The following RANBP1 variants were observed in gnomAD, a reference collection of about 807,000 sequenced individuals.
RANBP1 encodes the protein RAN binding protein 1.
Under a neutral mutation model 31.4 loss-of-function variants are expected in RANBP1, and 16 were observed. That is an observed-to-expected ratio of 0.51 (90% CI 0.34 to 0.77). The LOEUF is 0.77. RANBP1 is among the 30% of genes least tolerant of loss of function. The pLI, the probability that RANBP1 is intolerant of heterozygous loss-of-function variation, is 0.01. For missense variants in RANBP1, 265 were observed against 362.0 expected (o/e 0.73, Z 2.17); for synonymous variants, 129 against 140.5 (o/e 0.92, Z 0.58).
At chr22:20,117,099 G>GAGCAT in intron 1 of RANBP1, 1 of 718,010 alleles carries the variant, frequency 1.4e-6, no homozygotes. Flanking sequence ...ACTCGAACCT[G>GAGCAT]CGATGCTCAG....
chr22:20,116,678 C>G, intron 1 of RANBP1: 1 of 1,494,924 alleles, frequency 6.7e-7, no homozygotes, highest in South Asian at 1.3e-5. Flanking sequence ...CCCCAAGCTT[C>G]CTTATGGGAC....
chr22:20,117,310 G>C (rs1364514393), intron 1 of RANBP1: 18 of 969,316 alleles, frequency 1.9e-5, no homozygotes, highest in Non-Finnish European at 2.3e-5. Flanking sequence ...GCGCGTGGCC[G>C]GGACGGAAGT....
chr22:20,116,149 G>A lies in RANBP1; in HGVS notation c.-36G>A, dbSNP rs781226040. ...CACGTCGGCCACTCGTGTTACTGGT[G>A]GCTCACTCTCACCCTCCTGTCGCCT... On this transcript the variant is annotated 5_prime_UTR_variant, in exon 1 of 6. Transcript: ENST00000430524. 8.2e-5 allele frequency: 132 copies of A among 1,612,936 alleles called. No homozygotes were observed. Among genetic ancestry groups the A allele is most frequent in the Non-Finnish European group, 1.0e-4 (123 of 1,179,844 alleles).
intron 2 of RANBP1, 72 bp downstream of exon 2, chr22:20,119,221 T>G (rs2050122709): frequency 1.4e-6 from 2 of 1,462,794 alleles, no homozygotes; most frequent in African/African-American, 2.8e-5. Context: ...TGTCCAGGTT[T>G]TGGCCTGACT....
intron 1 of RANBP1, chr22:20,117,079 G>T: frequency 1.2e-6 from 1 of 853,930 alleles, no homozygotes; most frequent in Non-Finnish European, 1.8e-6. Context: ...TTCGCCCCAG[G>T]CGGGGCGGGA....
intron 5 of RANBP1, chr22:20,126,649 C>T (rs2050307411): frequency 2.0e-6 from 3 of 1,514,732 alleles, no homozygotes; most frequent in African/African-American, 2.8e-5. Context: ...CTCGGTTTGT[C>T]TCTCAGAGGG....
intron 1 of RANBP1, chr22:20,117,531 G>A: frequency 7.4e-7 from 1 of 1,352,642 alleles, no homozygotes. Flanking sequence ...GGAGGGAAGA[G>A]CGGGCGGGCG....
chr22:20,125,502 T>A, intron 4 of RANBP1, 66 bp downstream of exon 4: 1 of 1,553,086 alleles, frequency 6.4e-7, no homozygotes, highest in Non-Finnish European at 8.7e-7. Flanking sequence ...TGGCGGGTTA[T>A]GTGCAACAAA....
Position 20,116,447 on chromosome 22 carries a change from T to C in RANBP1, c.246+17T>C. 2 of 1,612,832 alleles carry C rather than the reference T, an allele frequency of 1.2e-6. No individual in the cohort carries two copies. The highest frequency in any genetic ancestry group is 1.7e-5 in the Admixed American group (1 of 60,016). ...ATCTCAGAGGTAAACAAGTCATCCC[T>C]GATGTAGCTGTAGAGCCCGGGCTGA... On this transcript the variant is annotated intron_variant, in intron 1 of 5. Coordinates refer to ENST00000430524, the MANE Select transcript of RANBP1 (RefSeq NM_001278639.2).
At position 20,127,110 on chromosome 22, in the gene RANBP1, C is replaced by T. The variant is rs182031737; in HGVS notation, c.*58C>T. On this transcript the variant is annotated 3_prime_UTR_variant, in exon 6 of 6. Coordinates refer to ENST00000430524, the MANE Select transcript of RANBP1 (RefSeq NM_001278639.2). ...CCTTTCCTTTTTTTAAAAAATTTTA[C>T]CCTGCCCCTCTTTTTCGGTTTGTTT... is the stretch of plus-strand genomic sequence containing the variant. 42 of 1,418,466 alleles carry T rather than the reference C, an allele frequency of 3.0e-5. No homozygotes were observed. Among genetic ancestry groups the T allele is most frequent in the Non-Finnish European group, 3.8e-5 (40 of 1,049,220 alleles). The allele number at this position is 1,418,466 out of a possible 1,614,324, so 87.9% of individuals were successfully genotyped here. A position where few individuals can be genotyped will look rare whatever the true frequency, so the allele number is the denominator to read the frequency against.
chr22:20,117,488 TG>T, intron 1 of RANBP1: 1 of 1,197,926 alleles, frequency 8.3e-7, no homozygotes, highest in Non-Finnish European at 1.0e-6. Context: ...TTCCCGCCGC[TG>T]GGGTCAGGGG....
intron 3 of RANBP1, chr22:20,124,239 T>G (rs1050963450): frequency 6.6e-6 from 1 of 152,568 alleles, no homozygotes; most frequent in African/African-American, 2.4e-5. Context: ...AAGTTGGTTC[T>G]GGGCTCCTGG....
rs541142504 is a variant in RANBP1 at position 20,117,063 on chromosome 22, C to G, written c.246+633C>G. ...GCAACGCCGCGAGGTCGCCGCCACC[C>G]CCGGCTTCGCCCCAGGCGGGGCGGG... On this transcript the variant is annotated intron_variant, in intron 1 of 5. Coordinates refer to ENST00000430524, the MANE Select transcript of RANBP1 (RefSeq NM_001278639.2). The G allele has an allele frequency of 3.2e-6, 3 of 941,710 alleles. No individual in the cohort carries two copies. In the African/African-American group the frequency reaches 4.9e-5, roughly 15 times the overall value. The allele number at this position is 941,710 out of a possible 1,614,324, so 58.3% of individuals were successfully genotyped here.
chr22:20,126,962 CA>C lies in RANBP1; in HGVS notation c.752del (p.Asn251MetfsTer11). 6.2e-7 allele frequency: 1 copy of C among 1,613,108 alleles called. No homozygotes were observed. On this transcript the variant is annotated frameshift_variant, in exon 6 of 6. Coordinates refer to ENST00000430524, the MANE Select transcript of RANBP1 (RefSeq NM_001278639.2). LOFTEE classifies it high-confidence loss of function. ...TGCTTGTGTTTTTAGCAGGATCAGG[CA>C]AAAATGATCATGCCGAAAAAGTGGC... ...EEREKKAGSG[K>X]NDHAEKVAEK...
chr22:20,116,508 C>T (rs1296341550), intron 1 of RANBP1, 78 bp downstream of exon 1: 3 of 1,612,464 alleles, frequency 1.9e-6, no homozygotes, highest in Non-Finnish European at 2.5e-6. Context: ...CGCCCTCTTT[C>T]TCCACCTCCT....
At chr22:20,122,687 C>T (rs1478528558) in intron 3 of RANBP1, 10 of 1,363,124 alleles carry the variant, frequency 7.3e-6, no homozygotes, top group South Asian at 2.5e-5. Context: ...AGGCTGGGCT[C>T]GGGACGAGGA....
At position 20,127,154 on chromosome 22, in the gene RANBP1, A is replaced by G. The variant is rs1717538475; in HGVS notation, c.*102A>G. 3.1e-6 allele frequency: 3 copies of G among 959,638 alleles called. No individual in the cohort carries two copies. The Admixed American group carries it at 9.3e-5, about 30-fold the overall frequency. The allele number at this position is 959,638 out of a possible 1,614,324, so 59.4% of individuals were successfully genotyped here. On this transcript the variant is annotated 3_prime_UTR_variant, in exon 6 of 6. Coordinates refer to ENST00000430524, the MANE Select transcript of RANBP1 (RefSeq NM_001278639.2). ...TTTGTTTTTATTCTTTCATTTTTAC[A>G]AGGGACGTTATATAAAGAACTGAAC... is the stretch of plus-strand genomic sequence containing the variant.
At chr22:20,120,199 C>T (rs1292368040) in intron 2 of RANBP1, among the ~76,000 whole-genome samples, 1 of 152,132 alleles carries the variant, frequency 6.6e-6, no homozygotes, top group East Asian at 1.9e-4. Context: ...GTTTCCTATC[C>T]AAGGAAGGGG....
At chr22:20,121,815 T>C (rs1203517496) in intron 2 of RANBP1, among the ~76,000 whole-genome samples, 1 of 150,016 alleles carries the variant, frequency 6.7e-6, no homozygotes, top group Non-Finnish European at 1.5e-5. Flanking sequence ...CTCCACTCAC[T>C]GTATCCTCTG....
Sources: gnomAD v4.1 joint callset for allele counts (sites outside exome capture counted in the v4.1 genomes callset) on GRCh38, gnomAD v4.1.1 for gene constraint, MANE v1.5 for transcripts, NCBI Gene and HGNC (gene_info 2026-07-23, HGNC 2026-07-21) for gene names.